Variants in BTRC observed in about 807,000 individuals in gnomAD.
BTRC encodes F-box/WD repeat-containing protein 1A.
A neutral mutation model predicts 85.5 loss-of-function variants in BTRC; 42 were observed. The observed-to-expected ratio is 0.49, with a 90% CI of 0.38 to 0.64. BTRC has a LOEUF of 0.64. BTRC is among the 30% of genes least tolerant of loss of function. BTRC has a pLI of 0.00. For missense variants in BTRC, 594 were observed against 743.5 expected, an observed-to-expected ratio of 0.80 and a Z score of 2.34; for synonymous variants, 255 against 263.3, an observed-to-expected ratio of 0.97 and a Z score of 0.30.
rs200563572 is a variant in BTRC, at chr10:101,432,534, C to T, written c.156+2082C>T. ...GTTTTGTTTTGTTTTTTAACCTTTT[C>T]GGGGTTGCAGTTAGTTTAGGCGATC... On this transcript the variant is annotated intron_variant, in intron 2 of 14. Transcript: ENST00000370187. Among the ~76,000 whole-genome samples the T allele has an allele frequency of 9.2e-5, 14 of 152,078 alleles. No individual in the cohort carries two copies. The East Asian group carries it at 9.7e-4, about 10-fold the overall frequency.
chr10:101,472,128 A>G (rs1199216410), intron 3 of BTRC, among the ~76,000 whole-genome samples: 2 of 152,214 alleles, frequency 1.3e-5, no homozygotes, highest in African/African-American at 4.8e-5. Context: ...CTATATTTAT[A>G]TACTTTGAAA....
intron 1 of BTRC, among the ~76,000 whole-genome samples, chr10:101,428,742 C>T (rs1313198045): frequency 6.6e-6 from 1 of 152,164 alleles, no homozygotes; most frequent in African/African-American, 2.4e-5. Flanking sequence ...AAGCGTAGTC[C>T]TATGGGTGGT....
chr10:101,376,399 T>C (rs1942792148), intron 1 of BTRC, among the ~76,000 whole-genome samples: 1 of 152,174 alleles, frequency 6.6e-6, no homozygotes, highest in Admixed American at 6.5e-5. Flanking sequence ...GAATTCCAAC[T>C]AGTTGGTAGT....
intron 1 of BTRC, among the ~76,000 whole-genome samples, chr10:101,405,447 T>C (rs1416090604): frequency 6.6e-6 from 1 of 152,224 alleles, no homozygotes; most frequent in East Asian, 1.9e-4. Flanking sequence ...CCATTCTCTC[T>C]GAGTGTTACG....
chr10:101,488,718 A>G lies in BTRC; in HGVS notation c.324+9261A>G, dbSNP rs138626807. 2.2e-3 allele frequency among the ~76,000 whole-genome samples: 328 copies of G among 152,296 alleles called. 3 individuals are homozygous for G. The highest frequency in any genetic ancestry group is 7.7e-3 in the African/African-American group (319 of 41,568). ...TTATAGGCTATGTAAATGAATTCAA[A>G]TATCTTCTAAAGATACACAAAATAT... is the stretch of plus-strand genomic sequence containing the variant. On this transcript the variant is annotated intron_variant, in intron 4 of 14. Coordinates refer to ENST00000370187, the MANE Select transcript of BTRC (RefSeq NM_033637.4).
intron 1 of BTRC, among the ~76,000 whole-genome samples, chr10:101,390,572 T>C (rs1943211962): frequency 6.6e-6 from 1 of 152,028 alleles, no homozygotes; most frequent in South Asian, 2.1e-4. Flanking sequence ...GACCTCGTGA[T>C]CCTCCCGCCT....
intron 5 of BTRC, among the ~76,000 whole-genome samples, chr10:101,525,702 A>G (rs1308428576): frequency 6.6e-6 from 1 of 152,146 alleles, no homozygotes; most frequent in African/African-American, 2.4e-5. Flanking sequence ...GCTGAAATCC[A>G]TATAGATAGA....
At chr10:101,525,753 T>TG (rs957662801) in intron 5 of BTRC, among the ~76,000 whole-genome samples, 56 of 152,082 alleles carry the variant, frequency 3.7e-4, no homozygotes, top group African/African-American at 1.3e-3. Context: ...TTTAATGTCT[T>TG]GGGGGGTTTG....
rs2062705171 is a variant in BTRC at position 101,554,811 on chromosome 10, A to G, written c.*1688A>G. 6.6e-6 allele frequency: 1 copy of G among 152,376 alleles called. No homozygotes were observed. Among genetic ancestry groups the G allele is most frequent in the African/African-American group, 2.4e-5 (1 of 41,450 alleles). 9.4% of individuals were successfully genotyped at this position (152,376 alleles called of 1,614,324 possible). A position where few individuals can be genotyped will look rare whatever the true frequency, so the allele number is the denominator to read the frequency against. On this transcript the variant is annotated 3_prime_UTR_variant, in exon 15 of 15. Coordinates refer to ENST00000370187, the MANE Select transcript of BTRC (RefSeq NM_033637.4). Reference sequence around the variant, plus strand: ...CTGTGCCACACCAACCTGGGAGCACACAGAATACTATTAATGTGCACCCAG... The same window carrying G: ...CTGTGCCACACCAACCTGGGAGCACGCAGAATACTATTAATGTGCACCCAG...
rs1032067819 is a variant in BTRC at position 101,430,552 on chromosome 10, C to A, written c.156+100C>A. ...TTTCCCATACTTTACTTATATTCAT[C>A]TTTTCTCCTTCATATTGCCTGTATC... On this transcript the variant is annotated intron_variant, in intron 2 of 14. Transcript: ENST00000370187. 14 of 881,564 alleles carry A rather than the reference C, an allele frequency of 1.6e-5. No individual in the cohort carries two copies. In the African/African-American group the frequency reaches 1.7e-4, roughly 11 times the overall value. 54.6% of individuals were successfully genotyped at this position (881,564 alleles called of 1,614,324 possible).
intron 1 of BTRC, among the ~76,000 whole-genome samples, chr10:101,410,318 G>A (rs1026728838): frequency 1.3e-5 from 2 of 152,118 alleles, no homozygotes; most frequent in Admixed American, 1.3e-4. Flanking sequence ...GACCGCTGAT[G>A]TCAAGAAGAG....
intron 13 of BTRC, among the ~76,000 whole-genome samples, 184 bp from the exon 14 acceptor site, chr10:101,550,515 C>G (rs541626576): frequency 6.6e-6 from 1 of 152,216 alleles, no homozygotes; most frequent in East Asian, 1.9e-4. Flanking sequence ...ATCTCCTGAC[C>G]TCGTGATCCG....
chr10:101,376,283 C>T (rs10883629), intron 1 of BTRC, among the ~76,000 whole-genome samples: 18,843 of 152,226 alleles, frequency 0.12, 1,624 homozygotes, highest in East Asian at 0.51. Flanking sequence ...CAAGATTATG[C>T]CACTGCACTC....
intron 1 of BTRC, among the ~76,000 whole-genome samples, chr10:101,366,949 T>TATATATATTTATATATATTA (rs1554862295): frequency 5.1e-5 from 2 of 39,502 alleles, no homozygotes; most frequent in African/African-American, 7.8e-5. Flanking sequence ...TATATATATT[T>TATATATATTTATATATATTA]ATATATATAT....
intron 1 of BTRC, among the ~76,000 whole-genome samples, chr10:101,415,563 C>CA (rs1241749673): frequency 7.3e-6 from 1 of 136,996 alleles, no homozygotes; most frequent in Non-Finnish European, 1.5e-5. Context: ...TATTTTGAGA[C>CA]AGAGTTTCAC....
At chr10:101,473,198 T>G (rs1404744528) in intron 3 of BTRC, among the ~76,000 whole-genome samples, 1 of 138,830 alleles carries the variant, frequency 7.2e-6, no homozygotes, top group Non-Finnish European at 1.5e-5. Context: ...ATGATTTCAG[T>G]TTATCTATCT....
Position 101,526,121 on chromosome 10 carries a change from G to A in BTRC, c.665G>A (p.Gly222Asp). ...CKEWYRVTSDGMLWKKLIERM... is the reference protein window; with the variant it reads ...CKEWYRVTSDDMLWKKLIERM... ...GAATGGTACCGAGTGACCTCTGATG[G>A]CATGCTGTGGAAGAAGCTTATCGAG... is the stretch of plus-strand genomic sequence containing the variant. Residue 222 changes from glycine (G) to aspartate (D), a missense_variant, in exon 6 of 15, where the codon GGC becomes GAC. Physicochemically the swap from Gly to Asp is moderately conservative, Grantham distance 94. Transcript: ENST00000370187. The A allele has an allele frequency of 6.2e-7, 1 of 1,614,156 alleles. No individual in the cohort carries two copies. Among genetic ancestry groups the A allele is most frequent in the South Asian group, 1.1e-5 (1 of 91,068 alleles).
At chr10:101,383,631 C>T (rs1276046032) in intron 1 of BTRC, among the ~76,000 whole-genome samples, 1 of 152,122 alleles carries the variant, frequency 6.6e-6, no homozygotes, top group African/African-American at 2.4e-5. Flanking sequence ...TTCTAAAGTG[C>T]TGGGGTTACA....
chr10:101,541,069 T>A (rs1260467672), intron 13 of BTRC, among the ~76,000 whole-genome samples: 1 of 151,830 alleles, frequency 6.6e-6, no homozygotes, highest in East Asian at 1.9e-4. Context: ...TTTCCCAATC[T>A]ATGTATCTTT....
Sources: gnomAD v4.1 joint callset for allele counts (sites outside exome capture counted in the v4.1 genomes callset) on GRCh38, gnomAD v4.1.1 for gene constraint, MANE v1.5 for transcripts, NCBI Gene and HGNC (gene_info 2026-07-23, HGNC 2026-07-21) for gene names.